The following C6orf89 variants were observed in gnomAD, a reference collection of about 807,000 sequenced individuals.
C6orf89 encodes chromosome 6 open reading frame 89.
Under a neutral mutation model 40.7 loss-of-function variants are expected in C6orf89, and 29 were observed. The ratio of observed to expected loss-of-function variants is 0.71; its 90% CI spans 0.53 to 0.97. The LOEUF (loss-of-function observed/expected upper bound fraction) is 0.97, where lower values mean the gene tolerates loss of function less well. Ranked by LOEUF, C6orf89 falls within the 50% of genes least tolerant of loss-of-function variation. The probability of loss-of-function intolerance (pLI) is 0.00; values close to 1 mark genes in which losing one functional copy is unlikely to be tolerated. For missense variants in C6orf89, 392 were observed against 429.1 expected (o/e 0.91, Z 0.76); for synonymous variants, 165 against 152.2 (o/e 1.08, Z -0.62).
At chr6:36,899,128 G>C (rs919604797) in intron 2 of C6orf89, among the ~76,000 whole-genome samples, 4 of 152,254 alleles carry the variant, frequency 2.6e-5, no homozygotes, top group Admixed American at 6.5e-5. Flanking sequence ...TAGTGCTTCA[G>C]AGTCCCATTA....
At chr6:36,909,782 CAAAA>C (rs34739520) in intron 4 of C6orf89, among the ~76,000 whole-genome samples, 6 of 91,106 alleles carry the variant, frequency 6.6e-5, no homozygotes, top group Admixed American at 1.2e-4. Context: ...GAGCCTGTCT[CAAAA>C]AAAAAAAAAA....
At chr6:36,877,352 G>A (rs1774687333) in intron 1 of C6orf89, among the ~76,000 whole-genome samples, 2 of 151,820 alleles carry the variant, frequency 1.3e-5, no homozygotes, top group African/African-American at 2.4e-5. Context: ...TTTTTTTTGA[G>A]ACACAATCTC....
chr6:36,872,568 T>A (rs1163212582), intron 1 of C6orf89, among the ~76,000 whole-genome samples: 2 of 151,920 alleles, frequency 1.3e-5, no homozygotes, highest in Admixed American at 1.3e-4. Context: ...TGCCTTCCCC[T>A]CTACTCCAGC....
intron 6 of C6orf89, 140 bp from the exon 7 acceptor site, chr6:36,916,305 C>A: frequency 1.2e-6 from 1 of 818,354 alleles, no homozygotes; most frequent in Non-Finnish European, 1.9e-6. Flanking sequence ...TCTTCAGGGA[C>A]CTAGTACTTA....
chr6:36,928,156 C>T lies in C6orf89; in HGVS notation c.*4715C>T, dbSNP rs1246904122. 6.6e-6 allele frequency: 1 copy of T among 152,232 alleles called. No individual in the cohort carries two copies. The highest frequency in any genetic ancestry group is 1.5e-5 in the Non-Finnish European group (1 of 68,066). The allele number at this position is 152,232 out of a possible 1,614,324, so 9.4% of individuals were successfully genotyped here. ...GGAATGTTACATAACTAAGTGGAGG[C>T]CTGGAACTGTCAGGATTTGACAGGG... On this transcript the variant is annotated 3_prime_UTR_variant, in exon 9 of 9. Coordinates refer to ENST00000480824, the MANE Select transcript of C6orf89 (RefSeq NM_001286635.2).
chr6:36,883,929 A>T (rs1334258708), upstream of C6orf89, among the ~76,000 whole-genome samples: 1 of 152,206 alleles, frequency 6.6e-6, no homozygotes, highest in Non-Finnish European at 1.5e-5. Flanking sequence ...GCAGCTGTTG[A>T]CACCTGTGGC....
Position 36,919,711 on chromosome 6 carries a change from G to A in C6orf89, c.949+10G>A. ...GAGCCAGGGGATATCGGTATGTAGGGCCCCAGGAGGGCAGGGTCAATGGAT... is the reference window on the plus strand; with the variant it reads ...GAGCCAGGGGATATCGGTATGTAGGACCCCAGGAGGGCAGGGTCAATGGAT... On this transcript the variant is annotated intron_variant, in intron 8 of 8. Coordinates refer to ENST00000480824, the MANE Select transcript of C6orf89 (RefSeq NM_001286635.2). 1 of 1,597,904 alleles carries A rather than the reference G, an allele frequency of 6.3e-7. No homozygotes were observed. The highest frequency in any genetic ancestry group is 2.2e-5 in the East Asian group (1 of 44,580).
Position 36,872,553 on chromosome 6 carries a change from A to G in C6orf89, c.-628+586A>G, listed in dbSNP as rs369225390. 3.3e-5 allele frequency among the ~76,000 whole-genome samples: 5 copies of G among 152,250 alleles called. No individual in the cohort carries two copies. In the East Asian group the frequency reaches 7.7e-4, roughly 23 times the overall value. The stretch of plus-strand genomic sequence containing the variant: ...AGATAAGGAAGAGGCAAGAGAAAGG[A>G]CGAGTGCCTTCCCCTCTACTCCAGC... On this transcript the variant is annotated intron_variant, in intron 1 of 9. Coordinates refer to the C6orf89 transcript ENST00000359359.
At chr6:36,908,040 G>A (rs1341487388) in intron 4 of C6orf89, among the ~76,000 whole-genome samples, 1 of 152,212 alleles carries the variant, frequency 6.6e-6, no homozygotes, top group Admixed American at 6.5e-5. Flanking sequence ...CAGGGACTCT[G>A]TGGGGAGAGG....
rs371976822 is a variant in C6orf89, at chr6:36,878,227, A to T, written c.-627-781A>T. On this transcript the variant is annotated intron_variant, in intron 1 of 9. Coordinates refer to the C6orf89 transcript ENST00000359359. Reference sequence around the variant, plus strand: ...CCTCTTTGTCATAAATCAAGTGTCCATATATGTGTTTTCTGGTTTTGGTCT... The same window carrying T: ...CCTCTTTGTCATAAATCAAGTGTCCTTATATGTGTTTTCTGGTTTTGGTCT... Among the ~76,000 whole-genome samples, 26 of 152,248 alleles carry T rather than the reference A, an allele frequency of 1.7e-4. 1 individual carries two copies. The South Asian group carries it at 4.6e-3, about 27-fold the overall frequency.
rs1762749271 is a variant in C6orf89, at chr6:36,928,205, C to T, written c.*4764C>T. ...GGCTGGACCAGAGACCCTTCCGCCT[C>T]TGCCTAGTGTGTCTGTCAGGCAGGC... On this transcript the variant is annotated 3_prime_UTR_variant, in exon 9 of 9. Transcript: ENST00000480824. 2.6e-5 allele frequency: 4 copies of T among 152,294 alleles called. No homozygotes were observed. Among genetic ancestry groups the T allele is most frequent in the Admixed American group, 2.6e-4 (4 of 15,278 alleles). The allele number at this position is 152,294 out of a possible 1,614,324, so 9.4% of individuals were successfully genotyped here.
intron 7 of C6orf89, among the ~76,000 whole-genome samples, chr6:36,919,025 C>A (rs1762420296): frequency 6.6e-6 from 1 of 152,182 alleles, no homozygotes; most frequent in East Asian, 1.9e-4. Context: ...CTTAAACTTG[C>A]TGCTGTACAA....
Position 36,874,352 on chromosome 6 carries a change from G to A in C6orf89, c.-628+2385G>A, listed in dbSNP as rs1022402385. On this transcript the variant is annotated intron_variant, in intron 1 of 9. Coordinates refer to the C6orf89 transcript ENST00000359359. ...ACATGTCTGTCTCTTTCATTATACCGTAAGCTCCTAAAGGCAGGGCTGTCT... is the reference window on the plus strand; with the variant it reads ...ACATGTCTGTCTCTTTCATTATACCATAAGCTCCTAAAGGCAGGGCTGTCT... 2.6e-5 allele frequency among the ~76,000 whole-genome samples: 4 copies of A among 152,120 alleles called. No homozygotes were observed. The South Asian group carries it at 6.2e-4, about 24-fold the overall frequency.
upstream of C6orf89, among the ~76,000 whole-genome samples, chr6:36,882,734 CT>C (rs1178360256): frequency 1.1e-3 from 50 of 46,334 alleles, no homozygotes; most frequent in African/African-American, 1.7e-3. Context: ...TTTCTTTTTT[CT>C]TTTTTTTTTT....
intron 2 of C6orf89, among the ~76,000 whole-genome samples, chr6:36,897,094 A>G (rs1039787147): frequency 7.0e-6 from 1 of 143,778 alleles, no homozygotes; most frequent in South Asian, 2.2e-4. Context: ...GCGCCACTGC[A>G]CTCCAGCCTG....
At chr6:36,882,476 C>A (rs1309392441), upstream of C6orf89, among the ~76,000 whole-genome samples, 1 of 152,186 alleles carries the variant, frequency 6.6e-6, no homozygotes, top group Non-Finnish European at 1.5e-5. Context: ...TCATGAAGAA[C>A]CAGGATGGCC....
At chr6:36,909,587 C>G (rs1220144756) in intron 4 of C6orf89, among the ~76,000 whole-genome samples, 1 of 151,046 alleles carries the variant, frequency 6.6e-6, no homozygotes, top group African/African-American at 2.4e-5. Flanking sequence ...TTTTATCTAC[C>G]CTGGGCAACA....
At chr6:36,898,674 A>G (rs932387723) in intron 2 of C6orf89, among the ~76,000 whole-genome samples, 11 of 152,164 alleles carry the variant, frequency 7.2e-5, no homozygotes, top group Admixed American at 2.6e-4. Context: ...TGATGAAACA[A>G]TCTGTCTTTA....
chr6:36,875,329 C>G (rs953112932), intron 1 of C6orf89, among the ~76,000 whole-genome samples: 1 of 152,164 alleles, frequency 6.6e-6, no homozygotes, highest in Non-Finnish European at 1.5e-5. Flanking sequence ...AAAATAGACT[C>G]GGCAGTTAAT....
Sources: gnomAD v4.1 joint callset for allele counts (sites outside exome capture counted in the v4.1 genomes callset) on GRCh38, gnomAD v4.1.1 for gene constraint, MANE v1.5 for transcripts, NCBI Gene and HGNC (gene_info 2026-07-23, HGNC 2026-07-21) for gene names.